SLC38A6: variants seen among roughly 807,000 people sequenced by gnomAD.
SLC38A6 encodes the protein solute carrier family 38 member 6.
Under a neutral mutation model 65.0 loss-of-function variants are expected in SLC38A6, and 73 were observed. That is an observed-to-expected ratio of 1.12 (90% CI 0.93 to 1.37). The LOEUF is 1.37. SLC38A6 is among the 40% of genes most tolerant of loss of function. The probability of loss-of-function intolerance (pLI) is 0.00; values close to 1 mark genes in which losing one functional copy is unlikely to be tolerated. For synonymous variants in SLC38A6, 183 were observed against 178.8 expected, an observed-to-expected ratio of 1.02 and a Z score of -0.19; for missense variants, 561 against 531.1, an observed-to-expected ratio of 1.06 and a Z score of -0.55.
intron 15 of SLC38A6, among the ~76,000 whole-genome samples, chr14:61,068,061 C>G (rs1004818066): frequency 2.0e-5 from 3 of 152,126 alleles, no homozygotes; most frequent in Admixed American, 2.0e-4. Context: ...CCTGCATTTC[C>G]TCACTTCCCT....
intron 3 of SLC38A6, among the ~76,000 whole-genome samples, chr14:60,995,170 C>G (rs1329547684): frequency 6.6e-6 from 1 of 152,196 alleles, no homozygotes; most frequent in East Asian, 1.9e-4. Context: ...GTAGAGATAT[C>G]TATGCTCCCA....
intron 6 of SLC38A6, among the ~76,000 whole-genome samples, chr14:61,034,606 G>T (rs936190909): frequency 2.0e-5 from 3 of 152,116 alleles, no homozygotes; most frequent in African/African-American, 7.2e-5. Context: ...AAATTTGGTT[G>T]CCAGGTGTTC....
intron 1 of SLC38A6, 119 bp downstream of exon 1, chr14:60,981,501 C>T (rs1432377320): frequency 4.6e-6 from 7 of 1,535,538 alleles, no homozygotes; most frequent in Non-Finnish European, 6.1e-6. Context: ...GGAGCCTGAA[C>T]CCTGGGGGAT....
Position 61,050,493 on chromosome 14 carries a change from C to A in SLC38A6, c.926-19C>A. 2.1e-6 allele frequency: 3 copies of A among 1,459,022 alleles called. No individual in the cohort carries two copies. The highest frequency in any genetic ancestry group is 1.9e-6 in the Non-Finnish European group (2 of 1,067,514). The allele number at this position is 1,459,022 out of a possible 1,614,324, so 90.4% of individuals were successfully genotyped here. The stretch of plus-strand genomic sequence containing the variant: ...TACCTTAGTACTTTATAATGTGATC[C>A]TTATTATTTTATTTACAGACAAAGT... On this transcript the variant is annotated intron_variant, in intron 12 of 15. Coordinates refer to ENST00000267488, the MANE Select transcript of SLC38A6 (RefSeq NM_153811.3).
chr14:61,020,501 G>A (rs1000368188), intron 5 of SLC38A6, among the ~76,000 whole-genome samples: 2 of 151,998 alleles, frequency 1.3e-5, no homozygotes, highest in Non-Finnish European at 1.5e-5. Flanking sequence ...AAATTCCATC[G>A]TTAATAGGTT....
intron 5 of SLC38A6, among the ~76,000 whole-genome samples, chr14:61,020,656 A>G (rs746974546): frequency 3.9e-5 from 6 of 152,130 alleles, no homozygotes; most frequent in Non-Finnish European, 8.8e-5. Flanking sequence ...ATTTTCTCCT[A>G]ACACACACTA....
chr14:61,078,412 G>A (rs2043505851), intron 15 of SLC38A6, among the ~76,000 whole-genome samples: 1 of 152,164 alleles, frequency 6.6e-6, no homozygotes, highest in Non-Finnish European at 1.5e-5. Flanking sequence ...TAAAAATTTT[G>A]CCAGGAGCAC....
chr14:61,028,605 C>T (rs963010983), intron 5 of SLC38A6, among the ~76,000 whole-genome samples: 1 of 152,116 alleles, frequency 6.6e-6, no homozygotes, highest in African/African-American at 2.4e-5. Flanking sequence ...TTTTCACATA[C>T]AATCAGTTGT....
chr14:61,074,485 G>A (rs2043331134), intron 15 of SLC38A6, among the ~76,000 whole-genome samples: 1 of 152,172 alleles, frequency 6.6e-6, no homozygotes, highest in Non-Finnish European at 1.5e-5. Flanking sequence ...GGTGGAGAAA[G>A]AGTGATCTCT....
intron 10 of SLC38A6, among the ~76,000 whole-genome samples, chr14:61,043,972 A>T (rs905824095): frequency 6.6e-6 from 1 of 152,118 alleles, no homozygotes; most frequent in Non-Finnish European, 1.5e-5. Context: ...GACATTCCAA[A>T]GTTGAAATTC....
At chr14:61,066,149 T>G (rs1376668908) in intron 15 of SLC38A6, among the ~76,000 whole-genome samples, 4 of 152,212 alleles carry the variant, frequency 2.6e-5, no homozygotes, top group African/African-American at 4.8e-5. Context: ...GAGAAATTTG[T>G]TTTTTAAAAA....
intron 6 of SLC38A6, 86 bp downstream of exon 6, chr14:61,030,609 G>A (rs2040918353): frequency 1.1e-6 from 1 of 896,672 alleles, no homozygotes; most frequent in Non-Finnish European, 1.7e-6. Context: ...ACTTGTAGTG[G>A]CAGGTAAAAT....
At chr14:61,005,109 C>G (rs2038995874) in intron 3 of SLC38A6, among the ~76,000 whole-genome samples, 1 of 152,102 alleles carries the variant, frequency 6.6e-6, no homozygotes, top group Non-Finnish European at 1.5e-5. Flanking sequence ...TCAATAGATG[C>G]AGAAAAGGCC....
chr14:60,998,526 T>A (rs1465946454), intron 3 of SLC38A6, among the ~76,000 whole-genome samples: 3 of 152,104 alleles, frequency 2.0e-5, no homozygotes, highest in Admixed American at 6.5e-5. Flanking sequence ...GAGAGCCACC[T>A]CCATCACCTA....
At position 61,051,936 on chromosome 14, in the gene SLC38A6, G is replaced by C; in HGVS notation, c.1195+5G>C. On this transcript the variant is annotated splice_donor_5th_base_variant and intron_variant, in intron 14 of 15. Transcript: ENST00000267488. ...GAAATGTATTTGGTGTAGTTGGTAAGTTTTCTGTTTCAAAAAGTTCACATA... is the reference window on the plus strand; with the variant it reads ...GAAATGTATTTGGTGTAGTTGGTAACTTTTCTGTTTCAAAAAGTTCACATA... 1.2e-6 allele frequency: 2 copies of C among 1,605,022 alleles called. No homozygotes were observed. Among genetic ancestry groups the C allele is most frequent in the Non-Finnish European group, 1.7e-6 (2 of 1,177,700 alleles).
intron 3 of SLC38A6, among the ~76,000 whole-genome samples, chr14:61,009,196 A>G (rs1430059946): frequency 1.3e-5 from 2 of 152,194 alleles, no homozygotes; most frequent in Non-Finnish European, 2.9e-5. Flanking sequence ...AAGCAATTTA[A>G]AATCTTTCAG....
intron 15 of SLC38A6, among the ~76,000 whole-genome samples, chr14:61,072,491 G>T (rs563239554): frequency 6.6e-6 from 1 of 151,932 alleles, no homozygotes; most frequent in South Asian, 2.1e-4. Context: ...CTATTTTTTT[G>T]TGCTCATTTA....
intron 6 of SLC38A6, chr14:61,031,146 C>T (rs1277215865): frequency 1.3e-5 from 2 of 152,164 alleles, no homozygotes; most frequent in Admixed American, 1.3e-4. Flanking sequence ...TTTTGACTCA[C>T]CTCTTTATAG....
intron 3 of SLC38A6, among the ~76,000 whole-genome samples, chr14:60,992,920 C>T (rs930657456): frequency 6.0e-5 from 9 of 151,150 alleles, no homozygotes; most frequent in South Asian, 2.1e-4. Flanking sequence ...GATCTTTGCT[C>T]GCTGCAACCT....
Sources: allele counts gnomAD v4.1 joint callset (sites outside exome capture counted in the v4.1 genomes callset), GRCh38; gene constraint gnomAD v4.1.1; transcripts MANE v1.5; gene names NCBI Gene and HGNC (gene_info 2026-07-23, HGNC 2026-07-21).